The following AJUBA variants were observed in gnomAD, a reference collection of about 807,000 sequenced individuals.
The protein encoded by AJUBA is LIM domain-containing protein ajuba.
Under a neutral mutation model 53.3 loss-of-function variants are expected in AJUBA, and 20 were observed. That is an observed-to-expected ratio of 0.38 (90% CI 0.26 to 0.55). AJUBA has a LOEUF of 0.55. AJUBA is among the 20% of genes least tolerant of loss of function. AJUBA has a pLI of 0.80. For missense variants in AJUBA, 580 were observed against 730.5 expected (o/e 0.79, Z 2.38); for synonymous variants, 296 against 306.2 (o/e 0.97, Z 0.35).
At chr14:22,980,777 T>C in intron 1 of AJUBA, 2 of 698,596 alleles carry the variant, frequency 2.9e-6, no homozygotes, top group Non-Finnish European at 3.5e-6. Context: ...CGCGGGCACC[T>C]GGAGCGCCCG....
At chr14:22,974,284 T>C (rs2045013423) in intron 6 of AJUBA, among the ~76,000 whole-genome samples, 169 bp from the exon 7 acceptor site, 1 of 152,068 alleles carries the variant, frequency 6.6e-6, no homozygotes, top group Non-Finnish European at 1.5e-5. Context: ...ACCAGAACTC[T>C]CATCTCCTTC....
In AJUBA at chr14:22,973,285, G is replaced by T; in HGVS notation, c.*158C>A. The T allele has an allele frequency of 1.8e-6, 2 of 1,102,286 alleles. No homozygotes were observed. The highest frequency in any genetic ancestry group is 2.5e-6 in the Non-Finnish European group (2 of 788,344). 68.3% of individuals were successfully genotyped at this position (1,102,286 alleles called of 1,614,324 possible). ...AGGTTTCTCTTCCACAATCCATTTG[G>T]AATATCATGATCTTTGGGTCTCCGG... On this transcript the variant is annotated 3_prime_UTR_variant, in exon 8 of 8. Coordinates refer to ENST00000262713, the MANE Select transcript of AJUBA (RefSeq NM_032876.6).
intron 1 of AJUBA, 116 bp from the exon 2 acceptor site, chr14:22,978,561 C>G: frequency 6.7e-7 from 1 of 1,484,706 alleles, no homozygotes; most frequent in Non-Finnish European, 9.0e-7. Flanking sequence ...TTGATGGGCT[C>G]CCTTCTGAGT....
chr14:22,974,902 A>G lies in AJUBA; in HGVS notation c.1371-12T>C, dbSNP rs750301889. On this transcript the variant is annotated splice_polypyrimidine_tract_variant and intron_variant, in intron 5 of 7. Coordinates refer to ENST00000262713, the MANE Select transcript of AJUBA (RefSeq NM_032876.6). ...TAGGAGCATAATTTCTGAAAGAGAG[A>G]GGGAAGAGATGAGCTGAGGCTGGGG... is the stretch of plus-strand genomic sequence containing the variant. 2 of 1,613,838 alleles carry G rather than the reference A, an allele frequency of 1.2e-6. No individual in the cohort carries two copies. Among genetic ancestry groups the G allele is most frequent in the Admixed American group, 1.7e-5 (1 of 59,984 alleles).
chr14:22,973,007 A>G lies in AJUBA; in HGVS notation c.*436T>C, dbSNP rs1341953677. The G allele has an allele frequency of 5.4e-6, 1 of 184,072 alleles. No individual in the cohort carries two copies. The highest frequency in any genetic ancestry group is 2.4e-5 in the African/African-American group (1 of 42,436). The allele number at this position is 184,072 out of a possible 1,614,324, so 11.4% of individuals were successfully genotyped here. ...TTGCGTGACTCATGCATAATCATAC[A>G]CTAGGCCAGACACAGTGGCTTACGC... On this transcript the variant is annotated 3_prime_UTR_variant, in exon 8 of 8. Coordinates refer to ENST00000262713, the MANE Select transcript of AJUBA (RefSeq NM_032876.6).
Position 22,981,821 on chromosome 14 carries a change from G to A in AJUBA, c.446C>T (p.Ala149Val). 1.3e-6 allele frequency: 2 copies of A among 1,533,564 alleles called. No homozygotes were observed. Among genetic ancestry groups the A allele is most frequent in the Non-Finnish European group, 1.7e-6 (2 of 1,146,056 alleles). The allele number at this position is 1,533,564 out of a possible 1,614,324, so 95.0% of individuals were successfully genotyped here. ...RGSLLLDGAGAGGAGGSRPCS... is the reference protein window; with the variant it reads ...RGSLLLDGAGVGGAGGSRPCS... ...GGGCCGGCTACCTCCAGCTCCGCCA[G>A]CCCCCGCCCCGTCCAGCAGCAGGCT... Residue 149 changes from alanine to valine, a missense_variant, in exon 1 of 8, where the codon GCT becomes GTT. This residue lies in a region of AJUBA where 430 missense variants were observed against 471.5 expected (regional missense o/e 0.91). Transcript: ENST00000262713.
intron 6 of AJUBA, chr14:22,974,607 C>G (rs2139347321): frequency 1.9e-6 from 1 of 538,308 alleles, no homozygotes; most frequent in Non-Finnish European, 3.3e-6. Context: ...GTCTCCTCCT[C>G]TGGACTGGGA....
At chr14:22,973,904 A>G (rs1357150649) in intron 7 of AJUBA, 143 bp downstream of exon 7, 1 of 1,000,320 alleles carries the variant, frequency 1.0e-6, no homozygotes, top group Non-Finnish European at 1.5e-6. Flanking sequence ...AGGACAAAAA[A>G]GAGACTGAAG....
chr14:22,978,569 A>T, intron 1 of AJUBA, 124 bp from the exon 2 acceptor site: 2 of 1,456,140 alleles, frequency 1.4e-6, no homozygotes, highest in Non-Finnish European at 1.8e-6. Flanking sequence ...CTCCCTTCTG[A>T]GTAGAGAAGA....
Position 22,982,219 on chromosome 14 carries a change from G to A in AJUBA, c.48C>T (p.Gly16=). 1 of 1,613,974 alleles carries A rather than the reference G, an allele frequency of 6.2e-7. No homozygotes were observed. Among genetic ancestry groups the A allele is most frequent in the Non-Finnish European group, 8.5e-7 (1 of 1,179,902 alleles). Residue 16 remains glycine, a synonymous_variant, in exon 1 of 8, where the codon GGC becomes GGT. Transcript: ENST00000262713. ...EKASRLLEKF[G]RRKGESSRSG... The stretch of plus-strand genomic sequence containing the variant: ...ACCGGCTAGATTCACCCTTTCTGCG[G>A]CCGAACTTCTCCAGCAGGCGACTGG...
At chr14:22,976,134 G>A (rs1457964570) in intron 4 of AJUBA, among the ~76,000 whole-genome samples, 1 of 141,366 alleles carries the variant, frequency 7.1e-6, no homozygotes, top group Non-Finnish European at 1.5e-5. Flanking sequence ...CTTTGTCAGA[G>A]CGAGACTCTG....
intron 1 of AJUBA, 118 bp from the exon 2 acceptor site, chr14:22,978,563 C>T (rs1223433837): frequency 6.8e-7 from 1 of 1,474,820 alleles, no homozygotes; most frequent in Non-Finnish European, 9.0e-7. Flanking sequence ...GATGGGCTCC[C>T]TTCTGAGTAG....
rs750572159 is a variant in AJUBA, at chr14:22,973,547, C to T, written c.1513G>A (p.Asp505Asn). The change falls in exon 8 of 8, where the codon GAT becomes AAT. Residue 505 changes from aspartate (D) to asparagine (N), a missense_variant. Asp to Asn is a conservative substitution (Grantham distance 23). Coordinates refer to ENST00000262713, the MANE Select transcript of AJUBA (RefSeq NM_032876.6). ...HCEDCRMQLS[D>N]EEGCCCFPLD... is the part of the protein sequence containing the mutation. ...GGGAAACAGCAGCAGCCTTCCTCAT[C>T]ACTCAGCTGCATCCGGCAGTCCTAG... The T allele has an allele frequency of 1.2e-6, 2 of 1,614,194 alleles. No homozygotes were observed. The highest frequency in any genetic ancestry group is 1.7e-6 in the Non-Finnish European group (2 of 1,180,014).
At position 22,982,295 on chromosome 14, in the gene AJUBA, T is replaced by C. The variant is rs1442210391; in HGVS notation, c.-29A>G. 1.2e-6 allele frequency: 2 copies of C among 1,605,680 alleles called. No homozygotes were observed. The highest frequency in any genetic ancestry group is 2.7e-5 in the African/African-American group (2 of 74,276). ...CTCGGGCCTGGGGCCTCTCGCCCCC[T>C]CCCCGCCTGGCACCCTGCGGCGTCT... On this transcript the variant is annotated 5_prime_UTR_variant, in exon 1 of 8. Transcript: ENST00000262713.
Position 22,982,101 on chromosome 14 carries a change from G to A in AJUBA, c.166C>T (p.Pro56Ser), listed in dbSNP as rs759506970. 2 of 1,595,112 alleles carry A rather than the reference G, an allele frequency of 1.3e-6. No homozygotes were observed. The highest frequency in any genetic ancestry group is 1.7e-6 in the Non-Finnish European group (2 of 1,173,062). Residue 56 changes from proline (P) to serine (S), a missense_variant, in exon 1 of 8, where the codon CCT becomes TCT. This residue lies in a region of AJUBA where 430 missense variants were observed against 471.5 expected (regional missense o/e 0.91). Coordinates refer to ENST00000262713, the MANE Select transcript of AJUBA (RefSeq NM_032876.6). ...KSGPRGATGG[P>S]GDEPLEPARE... ...GCCGGCTCCAACGGCTCATCCCCAG[G>A]TCCCCCAGTAGCTCCTCGGGGCCCT...
Position 22,981,510 on chromosome 14 carries a change from C to A in AJUBA, c.757G>T (p.Glu253Ter). The A allele has an allele frequency of 6.3e-7, 1 of 1,582,566 alleles. No individual in the cohort carries two copies. The highest frequency in any genetic ancestry group is 8.6e-7 in the Non-Finnish European group (1 of 1,167,120). ...CGTCCGGGTTGCGCCCCCCGTCTCT[C>A]CAAGGGCCCCGCCGCTCCCACTCCG... ...GAGVGAAGPL[E>*]RRGAQPGRHS... The change falls in exon 1 of 8, where the codon GAG becomes TAG. Residue 253 changes from glutamate to a stop codon, truncating the protein, a stop_gained. Coordinates refer to ENST00000262713, the MANE Select transcript of AJUBA (RefSeq NM_032876.6). LOFTEE classifies it high-confidence loss of function.
rs1019330654 is a variant in AJUBA at position 22,981,675 on chromosome 14, C to T, written c.592G>A (p.Gly198Arg). Residue 198 changes from glycine (G) to arginine (R), a missense_variant, in exon 1 of 8, where the codon GGA becomes AGA. Around this residue, in one of 2 missense-constraint regions of AJUBA, gnomAD observed 430 missense variants for 471.5 expected, o/e 0.91. Coordinates refer to ENST00000262713, the MANE Select transcript of AJUBA (RefSeq NM_032876.6). ...TCCGGGTAGGCGGACGGGACCCCTC[C>T]GGGAGAATAGCCTGCCGGTGCTCCG... ...LAGAPAGYSP[G>R]GVPSAYPELH... The T allele has an allele frequency of 5.9e-6, 9 of 1,516,454 alleles. No homozygotes were observed. In the Admixed American group the frequency reaches 6.1e-5, roughly 10 times the overall value. 93.9% of individuals were successfully genotyped at this position (1,516,454 alleles called of 1,614,324 possible). A position where few individuals can be genotyped will look rare whatever the true frequency, so the allele number is the denominator to read the frequency against.
rs1391708810 is a variant in AJUBA at position 22,974,895 on chromosome 14, AAG to A, written c.1371-7_1371-6del. The stretch of plus-strand genomic sequence containing the variant: ...GCACACTTAGGAGCATAATTTCTGA[AAG>A]AGAGAGGGAAGAGATGAGCTGAGGC... On this transcript the variant is annotated splice_polypyrimidine_tract_variant and splice_region_variant and intron_variant, in intron 5 of 7. Transcript: ENST00000262713. 3.7e-6 allele frequency: 6 copies of A among 1,613,726 alleles called. No individual in the cohort carries two copies. In the East Asian group the frequency reaches 8.9e-5, roughly 24 times the overall value.
intron 6 of AJUBA, 34 bp from the exon 7 acceptor site, chr14:22,974,149 A>T (rs1408561679): frequency 1.2e-6 from 2 of 1,612,436 alleles, no homozygotes; most frequent in Admixed American, 3.3e-5. Flanking sequence ...AGATGAGAGC[A>T]GCATGTTGCC....
Sources: allele counts gnomAD v4.1 joint callset (sites outside exome capture counted in the v4.1 genomes callset), GRCh38; gene constraint gnomAD v4.1.1; regional missense constraint gnomAD v4.1.1; transcripts MANE v1.5; gene names NCBI Gene and HGNC (gene_info 2026-07-23, HGNC 2026-07-21).